The following SUPT3H variants were observed in gnomAD, a reference collection of about 807,000 sequenced individuals.
SUPT3H encodes the protein SPT3 homolog, SAGA and STAGA complex component.
SUPT3H carries 44 observed loss-of-function variants against 44.3 expected under a neutral mutation model. The ratio of observed to expected loss-of-function variants is 0.99; its 90% CI spans 0.78 to 1.28. The LOEUF (loss-of-function observed/expected upper bound fraction) is 1.28, where lower values mean the gene tolerates loss of function less well. Among genes scored for constraint, SUPT3H ranks in the 50% most tolerant of loss-of-function variants. The probability of loss-of-function intolerance (pLI) is 0.00; values close to 1 mark genes in which losing one functional copy is unlikely to be tolerated. For missense variants in SUPT3H, 380 were observed against 387.1 expected, an observed-to-expected ratio of 0.98 and a Z score of 0.15; for synonymous variants, 124 against 125.6, an observed-to-expected ratio of 0.99 and a Z score of 0.09.
chr6:44,999,434 A>T (rs1392152981), intron 6 of SUPT3H, among the ~76,000 whole-genome samples: 2 of 151,948 alleles, frequency 1.3e-5, no homozygotes, highest in Non-Finnish European at 2.9e-5. Flanking sequence ...ATTTTAAAAA[A>T]CAGTGAATCA....
At chr6:44,886,508 A>C (rs1762318058) in intron 10 of SUPT3H, among the ~76,000 whole-genome samples, 1 of 152,206 alleles carries the variant, frequency 6.6e-6, no homozygotes, top group Non-Finnish European at 1.5e-5. Context: ...TTTCATATAC[A>C]GCCAAACTAA....
intron 2 of SUPT3H, among the ~76,000 whole-genome samples, chr6:45,170,206 T>C (rs1283233418): frequency 6.6e-6 from 1 of 152,244 alleles, no homozygotes; most frequent in Non-Finnish European, 1.5e-5. Context: ...GATGTTATTA[T>C]CGTTCCTAGG....
intron 2 of SUPT3H, among the ~76,000 whole-genome samples, chr6:45,240,750 G>A (rs565179940): frequency 1.1e-4 from 16 of 152,140 alleles, no homozygotes; most frequent in African/African-American, 2.7e-4. Flanking sequence ...TAAAAAATAC[G>A]GCAAGTTCCT....
At chr6:45,318,838 C>A (rs1042381630) in intron 2 of SUPT3H, among the ~76,000 whole-genome samples, 1 of 152,002 alleles carries the variant, frequency 6.6e-6, no homozygotes, top group African/African-American at 2.4e-5. Context: ...TAAAGTAAAT[C>A]TATATTAACC....
At chr6:45,271,183 G>A (rs1776083305) in intron 2 of SUPT3H, among the ~76,000 whole-genome samples, 1 of 152,204 alleles carries the variant, frequency 6.6e-6, no homozygotes, top group Non-Finnish European at 1.5e-5. Context: ...TTTCTGGGGA[G>A]AAATTCAAGC....
intron 2 of SUPT3H, among the ~76,000 whole-genome samples, chr6:45,118,239 G>C (rs1300711719): frequency 6.6e-6 from 1 of 151,920 alleles, no homozygotes; most frequent in East Asian, 1.9e-4. Flanking sequence ...AACATATAAA[G>C]TCTTTAAGTA....
chr6:45,168,166 C>T (rs552415597), intron 2 of SUPT3H, among the ~76,000 whole-genome samples: 4 of 151,954 alleles, frequency 2.6e-5, no homozygotes, highest in Admixed American at 6.6e-5. Flanking sequence ...ATCAATTATG[C>T]TCTTTTCCTT....
At chr6:44,924,585 C>G (rs919195072) in intron 10 of SUPT3H, among the ~76,000 whole-genome samples, 1 of 152,022 alleles carries the variant, frequency 6.6e-6, no homozygotes, top group Non-Finnish European at 1.5e-5. Context: ...TTTATTGAAG[C>G]CTATGGTACC....
chr6:45,008,704 T>C (rs1016325235), intron 5 of SUPT3H, among the ~76,000 whole-genome samples: 2 of 152,056 alleles, frequency 1.3e-5, no homozygotes, highest in Non-Finnish European at 2.9e-5. Flanking sequence ...TGGAGTATTA[T>C]ATCAATGTGG....
intron 2 of SUPT3H, among the ~76,000 whole-genome samples, chr6:45,215,334 G>A (rs1293965430): frequency 6.6e-6 from 1 of 152,092 alleles, no homozygotes; most frequent in Non-Finnish European, 1.5e-5. Flanking sequence ...AATCCTCAGT[G>A]ACAGACCCTA....
intron 10 of SUPT3H, among the ~76,000 whole-genome samples, chr6:44,834,361 A>G (rs1769424583): frequency 6.6e-6 from 1 of 152,218 alleles, no homozygotes; most frequent in Non-Finnish European, 1.5e-5. Context: ...TTTTATCCAC[A>G]GCAGATGGGT....
intron 2 of SUPT3H, among the ~76,000 whole-genome samples, chr6:45,130,463 C>T (rs1181839960): frequency 1.3e-5 from 2 of 151,922 alleles, no homozygotes; most frequent in African/African-American, 4.8e-5. Flanking sequence ...TTTTCAGTTA[C>T]TATGAGCAAT....
At chr6:45,322,661 C>T (rs1785685579) in intron 2 of SUPT3H, among the ~76,000 whole-genome samples, 1 of 152,058 alleles carries the variant, frequency 6.6e-6, no homozygotes, top group Admixed American at 6.6e-5. Flanking sequence ...CCTAAATCTG[C>T]GATCGCCTTT....
At chr6:44,870,087 C>A (rs1776126905) in intron 10 of SUPT3H, among the ~76,000 whole-genome samples, 1 of 152,186 alleles carries the variant, frequency 6.6e-6, no homozygotes, top group Non-Finnish European at 1.5e-5. Flanking sequence ...CATTTCTCTT[C>A]ATTCATCCAC....
At chr6:44,956,170 CTACTAAATAAA>C in intron 7 of SUPT3H, among the ~76,000 whole-genome samples, 1 of 149,004 alleles carries the variant, frequency 6.7e-6, no homozygotes, top group Non-Finnish European at 1.5e-5. Flanking sequence ...CCCAAAAAAC[CTACTAAATAAA>C]TACGTTTAAA....
chr6:45,355,993 T>C (rs917054207), intron 2 of SUPT3H, among the ~76,000 whole-genome samples: 1 of 152,120 alleles, frequency 6.6e-6, no homozygotes, highest in African/African-American at 2.4e-5. Context: ...AATAGAACTC[T>C]ACTAGCCATG....
At chr6:45,142,736 CAAAAAAAAAAAAAAAA>C (rs70993502) in intron 2 of SUPT3H, among the ~76,000 whole-genome samples, 29 of 14,960 alleles carry the variant, frequency 1.9e-3, no homozygotes, top group Non-Finnish European at 3.3e-3. Flanking sequence ...AACTCCGTCT[CAAAAAAAAAAAAAAAA>C]AAAAAAAAAA....
At chr6:45,004,143 T>C (rs569648117) in intron 5 of SUPT3H, among the ~76,000 whole-genome samples, 1 of 151,984 alleles carries the variant, frequency 6.6e-6, no homozygotes, top group East Asian at 1.9e-4. Flanking sequence ...GAAATGACAA[T>C]ACAAAAAATG....
chr6:45,011,297 T>A (rs1011594576), intron 5 of SUPT3H, among the ~76,000 whole-genome samples: 18 of 152,100 alleles, frequency 1.2e-4, no homozygotes, highest in Non-Finnish European at 2.5e-4. Context: ...AGTGAAATAA[T>A]CTGTGACTGA....
Sources: allele counts gnomAD v4.1 joint callset (sites outside exome capture counted in the v4.1 genomes callset), GRCh38; gene constraint gnomAD v4.1.1; transcripts MANE v1.5; gene names NCBI Gene and HGNC (gene_info 2026-07-23, HGNC 2026-07-21).